Variants in HECW1 observed in about 807,000 individuals in gnomAD.
HECW1 encodes the protein E3 ubiquitin-protein ligase HECW1.
In HECW1, 61 loss-of-function variants were observed where a neutral mutation model predicts 182.3. The ratio of observed to expected loss-of-function variants is 0.33; its 90% CI spans 0.27 to 0.41. The LOEUF is 0.41. HECW1 is among the 10% of genes least tolerant of loss of function. The pLI, the probability that HECW1 is intolerant of heterozygous loss-of-function variation, is 1.00. For missense variants in HECW1, 1,739 were observed against 2,108.9 expected (o/e 0.82, Z 3.44); for synonymous variants, 859 against 832.6 (o/e 1.03, Z -0.55).
chr7:43,332,221 C>T (rs76660499), intron 5 of HECW1, among the ~76,000 whole-genome samples: 28,416 of 152,124 alleles, frequency 0.19, 3,521 homozygotes, highest in Non-Finnish European at 0.27. Context: ...AAATAAAAAG[C>T]TTCTCCTCTT....
chr7:43,303,127 C>G (rs1562805372), intron 3 of HECW1, among the ~76,000 whole-genome samples: 1 of 152,168 alleles, frequency 6.6e-6, no homozygotes, highest in Non-Finnish European at 1.5e-5. Flanking sequence ...TCTGCCCATA[C>G]AAACCACCCA....
intron 2 of HECW1, among the ~76,000 whole-genome samples, chr7:43,235,798 C>T (rs896994302): frequency 1.3e-5 from 2 of 152,064 alleles, no homozygotes; most frequent in African/African-American, 2.4e-5. Flanking sequence ...GTGGCATTCT[C>T]CTACACACCC....
intron 2 of HECW1, among the ~76,000 whole-genome samples, chr7:43,217,388 A>G (rs1319573386): frequency 6.6e-6 from 1 of 152,248 alleles, no homozygotes; most frequent in Non-Finnish European, 1.5e-5. Context: ...AGAAATAAGA[A>G]ACATGTTTCT....
intron 6 of HECW1, among the ~76,000 whole-genome samples, chr7:43,361,686 T>C (rs1009770786): frequency 5.9e-5 from 9 of 152,196 alleles, no homozygotes; most frequent in African/African-American, 2.2e-4. Flanking sequence ...TGCATCTGAT[T>C]AGGCTGAAAT....
At chr7:43,241,696 T>G (rs937941807) in intron 2 of HECW1, among the ~76,000 whole-genome samples, 1 of 149,336 alleles carries the variant, frequency 6.7e-6, no homozygotes, top group African/African-American at 2.5e-5. Flanking sequence ...CTTAGGACAG[T>G]GAGCACACCC....
chr7:43,403,547 G>A (rs1042233457), intron 7 of HECW1, among the ~76,000 whole-genome samples: 6 of 152,138 alleles, frequency 3.9e-5, no homozygotes, highest in Non-Finnish European at 2.9e-5. Context: ...GGAAAATAGC[G>A]AGAGGGCAAA....
chr7:43,468,851 C>A, intron 15 of HECW1, 69 bp from the exon 16 acceptor site: 1 of 1,384,700 alleles, frequency 7.2e-7, no homozygotes, highest in Non-Finnish European at 1.0e-6. Flanking sequence ...TTAGGGTGCT[C>A]ATAGTGTGCT....
chr7:43,508,497 A>G (rs908263507), intron 23 of HECW1, among the ~76,000 whole-genome samples: 2 of 152,194 alleles, frequency 1.3e-5, no homozygotes, highest in Admixed American at 1.3e-4. Context: ...CAGTGATTTC[A>G]TGGGAAACCA....
At chr7:43,479,890 A>G (rs1322222894) in intron 17 of HECW1, 146 bp downstream of exon 17, 2 of 945,408 alleles carry the variant, frequency 2.1e-6, no homozygotes, top group African/African-American at 3.3e-5. Flanking sequence ...TTGTAGAAGA[A>G]TGATGACCGG....
chr7:43,415,333 C>A lies in HECW1; in HGVS notation c.801+7602C>A, dbSNP rs1268828624. ...GAAATTCTGGGTTGAAAATTCTTTT[C>A]TTTAAGAATGTTGAATATTGGCCCC... On this transcript the variant is annotated intron_variant, in intron 8 of 29. Coordinates refer to ENST00000395891, the MANE Select transcript of HECW1 (RefSeq NM_015052.5). Among the ~76,000 whole-genome samples, 5 of 143,746 alleles carry A rather than the reference C, an allele frequency of 3.5e-5. No individual in the cohort carries two copies. In the East Asian group the frequency reaches 1.0e-3, roughly 29 times the overall value. The allele number at this position is 143,746 out of a possible 152,430, so 94.3% of individuals were successfully genotyped here.
At chr7:43,522,883 C>T (rs1233596320) in intron 24 of HECW1, among the ~76,000 whole-genome samples, 1 of 152,188 alleles carries the variant, frequency 6.6e-6, no homozygotes, top group African/African-American at 2.4e-5. Flanking sequence ...TGCAGAGAAT[C>T]AAAACTCTGC....
intron 2 of HECW1, among the ~76,000 whole-genome samples, chr7:43,217,008 T>C (rs1002627785): frequency 6.6e-6 from 1 of 152,200 alleles, no homozygotes; most frequent in Non-Finnish European, 1.5e-5. Flanking sequence ...TCAAGGGTTC[T>C]GTGGCTCACA....
At chr7:43,131,059 A>G (rs754780050) in intron 2 of HECW1, among the ~76,000 whole-genome samples, 2 of 150,026 alleles carry the variant, frequency 1.3e-5, no homozygotes, top group Non-Finnish European at 3.0e-5. Flanking sequence ...GGAGGTCAGG[A>G]GTTCAAGACC....
chr7:43,455,251 G>A (rs191873203), intron 12 of HECW1, among the ~76,000 whole-genome samples: 4 of 152,134 alleles, frequency 2.6e-5, no homozygotes, highest in East Asian at 1.9e-4. Flanking sequence ...TACTGGTTTC[G>A]TTTGGTGGCC....
At chr7:43,386,849 A>G (rs1327834241) in intron 6 of HECW1, among the ~76,000 whole-genome samples, 5 of 151,700 alleles carry the variant, frequency 3.3e-5, no homozygotes, top group Non-Finnish European at 7.4e-5. Context: ...TTTATTTCAC[A>G]TAAGGACAGG....
chr7:43,423,572 G>T (rs1426804500), intron 8 of HECW1, among the ~76,000 whole-genome samples: 1 of 152,190 alleles, frequency 6.6e-6, no homozygotes, highest in Non-Finnish European at 1.5e-5. Context: ...GAGTTTTTGA[G>T]TGCAGCAGTG....
chr7:43,238,301 G>A (rs370250375), intron 2 of HECW1, among the ~76,000 whole-genome samples: 21 of 152,318 alleles, frequency 1.4e-4, no homozygotes, highest in African/African-American at 5.1e-4. Context: ...AGTGGGTGCT[G>A]TCCAGAAGCT....
chr7:43,138,509 C>T (rs976566026), intron 2 of HECW1, among the ~76,000 whole-genome samples: 1 of 152,094 alleles, frequency 6.6e-6, no homozygotes, highest in Non-Finnish European at 1.5e-5. Flanking sequence ...GTCCTTTCTT[C>T]CACATTTCTG....
chr7:43,113,999 G>A (rs2152588389), intron 1 of HECW1, 158 bp from the exon 2 acceptor site: 1 of 332,182 alleles, frequency 3.0e-6, no homozygotes, highest in Non-Finnish European at 5.7e-6. Flanking sequence ...GGCACAGCGC[G>A]CCTCAGTCTG....
Sources: allele counts gnomAD v4.1 joint callset (sites outside exome capture counted in the v4.1 genomes callset), GRCh38; gene constraint gnomAD v4.1.1; transcripts MANE v1.5; gene names NCBI Gene and HGNC (gene_info 2026-07-23, HGNC 2026-07-21).